The following EXOC4 variants were observed in gnomAD, a reference collection of about 807,000 sequenced individuals.
EXOC4 encodes exocyst complex component 4.
A neutral mutation model predicts 107.2 loss-of-function variants in EXOC4; 71 were observed. That is an observed-to-expected ratio of 0.66 (90% CI 0.55 to 0.81). The LOEUF (loss-of-function observed/expected upper bound fraction) is 0.81, where lower values mean the gene tolerates loss of function less well. Among genes scored for constraint, EXOC4 ranks in the 30% least tolerant of loss-of-function variants. The probability of loss-of-function intolerance (pLI) is 0.00; values close to 1 mark genes in which losing one functional copy is unlikely to be tolerated. For synonymous variants in EXOC4, 456 were observed against 441.2 expected (o/e 1.03, Z -0.42); for missense variants, 1,108 against 1,189.6 (o/e 0.93, Z 1.01).
chr7:133,261,110 T>C (rs1795141677), intron 1 of EXOC4, among the ~76,000 whole-genome samples: 1 of 152,166 alleles, frequency 6.6e-6, no homozygotes, highest in Non-Finnish European at 1.5e-5. Context: ...TGTCTCTGCT[T>C]ACATGTTTTA....
intron 14 of EXOC4, among the ~76,000 whole-genome samples, chr7:133,992,549 C>T (rs1794289431): frequency 6.6e-6 from 1 of 151,942 alleles, no homozygotes; most frequent in African/African-American, 2.4e-5. Context: ...TCCCAAAGTG[C>T]TGGGATTACA....
intron 3 of EXOC4, 95 bp downstream of exon 3, chr7:133,289,211 A>G (rs1794350244): frequency 1.9e-6 from 2 of 1,057,146 alleles, no homozygotes; most frequent in Non-Finnish European, 2.7e-6. Context: ...GTAGCACATT[A>G]CAAACTGCCC....
intron 10 of EXOC4, among the ~76,000 whole-genome samples, chr7:133,693,353 T>C (rs1341227097): frequency 6.6e-6 from 1 of 152,120 alleles, no homozygotes. Flanking sequence ...CAAGTCAAAA[T>C]TCTTCCACCT....
At chr7:133,522,206 T>G in intron 9 of EXOC4, among the ~76,000 whole-genome samples, 1 of 152,168 alleles carries the variant, frequency 6.6e-6, no homozygotes, top group Non-Finnish European at 1.5e-5. Context: ...ATTATCTTTC[T>G]GAGTGTTGTG....
intron 10 of EXOC4, among the ~76,000 whole-genome samples, chr7:133,794,865 A>G (rs955003726): frequency 2.0e-5 from 3 of 151,826 alleles, no homozygotes; most frequent in Admixed American, 2.0e-4. Context: ...ATATGTATGC[A>G]TGTGCCATAT....
In EXOC4 at chr7:133,844,231, C is replaced by T. The variant is rs6943570; in HGVS notation, c.1734+26687C>T. On this transcript the variant is annotated intron_variant, in intron 11 of 17. Coordinates refer to ENST00000253861, the MANE Select transcript of EXOC4 (RefSeq NM_021807.4). ...TCAATTTTTTGGAATAGAGTGGTAC[C>T]GGCTCTTCTTTATACATCTGGTAGA... Among the ~76,000 whole-genome samples the T allele has an allele frequency of 4.1e-3, 620 of 151,992 alleles. 3 individuals are homozygous for T. The highest frequency in any genetic ancestry group is 0.014 in the African/African-American group (583 of 41,468).
At chr7:134,041,812 A>G (rs557198685) in intron 17 of EXOC4, among the ~76,000 whole-genome samples, 11 of 152,286 alleles carry the variant, frequency 7.2e-5, no homozygotes, top group Admixed American at 2.0e-4. Context: ...AAATTATTTA[A>G]CTGGATTTAA....
At chr7:133,449,909 ATT>A (rs1310222908) in intron 7 of EXOC4, among the ~76,000 whole-genome samples, 1 of 150,828 alleles carries the variant, frequency 6.6e-6, no homozygotes, top group African/African-American at 2.4e-5. Flanking sequence ...TGCATCTCTG[ATT>A]TTATTTTATG....
At chr7:133,685,414 G>T (rs1051493097) in intron 10 of EXOC4, among the ~76,000 whole-genome samples, 5 of 152,104 alleles carry the variant, frequency 3.3e-5, no homozygotes, top group Non-Finnish European at 7.3e-5. Flanking sequence ...CTTCTGCCAT[G>T]ATTGTAAGTT....
intron 9 of EXOC4, among the ~76,000 whole-genome samples, chr7:133,513,269 A>G (rs183803623): frequency 3.7e-4 from 57 of 152,288 alleles, no homozygotes; most frequent in African/African-American, 1.3e-3. Flanking sequence ...GGGTTTCACC[A>G]TGTTGTCCAG....
At chr7:133,544,783 T>C (rs1800448139) in intron 9 of EXOC4, among the ~76,000 whole-genome samples, 1 of 151,852 alleles carries the variant, frequency 6.6e-6, no homozygotes, top group South Asian at 2.1e-4. Context: ...CTGTGCAGGG[T>C]TGATTTTTTG....
chr7:133,667,487 T>C (rs1235804530), intron 10 of EXOC4, among the ~76,000 whole-genome samples: 1 of 152,208 alleles, frequency 6.6e-6, no homozygotes, highest in Non-Finnish European at 1.5e-5. Flanking sequence ...AAATAAGTTA[T>C]GGACACTGCT....
chr7:133,425,430 G>C (rs1465646701), intron 7 of EXOC4, among the ~76,000 whole-genome samples: 1 of 152,108 alleles, frequency 6.6e-6, no homozygotes, highest in Non-Finnish European at 1.5e-5. Context: ...GGGATTACAA[G>C]TGCACACTGC....
intron 7 of EXOC4, among the ~76,000 whole-genome samples, chr7:133,421,793 A>T (rs1797613556): frequency 6.6e-6 from 1 of 152,052 alleles, no homozygotes; most frequent in Non-Finnish European, 1.5e-5. Flanking sequence ...CTACTCATTC[A>T]TTTTTCCCCC....
At chr7:133,291,726 G>A (rs758275681) in intron 3 of EXOC4, among the ~76,000 whole-genome samples, 1 of 151,976 alleles carries the variant, frequency 6.6e-6, no homozygotes, top group Non-Finnish European at 1.5e-5. Flanking sequence ...TTCCATCCCA[G>A]TGTTCTAAGA....
At chr7:133,572,625 A>G (rs1254098460) in intron 9 of EXOC4, among the ~76,000 whole-genome samples, 4 of 152,218 alleles carry the variant, frequency 2.6e-5, no homozygotes, top group African/African-American at 7.2e-5. Flanking sequence ...AAAAAAATAC[A>G]TAAAAATAAT....
intron 17 of EXOC4, among the ~76,000 whole-genome samples, chr7:134,058,253 C>G (rs1287674112): frequency 6.6e-6 from 1 of 152,182 alleles, no homozygotes; most frequent in Non-Finnish European, 1.5e-5. Flanking sequence ...TTTTCTCCCT[C>G]TCAAATTTGT....
chr7:133,633,588 A>G (rs1802639413), intron 10 of EXOC4, among the ~76,000 whole-genome samples: 1 of 152,060 alleles, frequency 6.6e-6, no homozygotes, highest in Non-Finnish European at 1.5e-5. Context: ...GCATGGTGGC[A>G]TGTGCCTGTA....
intron 7 of EXOC4, among the ~76,000 whole-genome samples, chr7:133,399,653 A>G (rs1011232596): frequency 1.3e-5 from 2 of 152,240 alleles, no homozygotes; most frequent in Non-Finnish European, 2.9e-5. Context: ...AGTGGTGTAG[A>G]CAAGATATAC....
Sources: gnomAD v4.1 joint callset for allele counts (sites outside exome capture counted in the v4.1 genomes callset) on GRCh38, gnomAD v4.1.1 for gene constraint, MANE v1.5 for transcripts, NCBI Gene and HGNC (gene_info 2026-07-23, HGNC 2026-07-21) for gene names.